The following PLD5 variants were observed in gnomAD, a reference collection of about 807,000 sequenced individuals.
PLD5 encodes the protein phospholipase D family member 5.
A neutral mutation model predicts 61.1 loss-of-function variants in PLD5; 36 were observed. That is an observed-to-expected ratio of 0.59 (90% CI 0.45 to 0.78). The LOEUF (loss-of-function observed/expected upper bound fraction) is 0.78. Ranked by LOEUF, PLD5 falls within the 30% of genes least tolerant of loss-of-function variation. The pLI, the probability that PLD5 is intolerant of heterozygous loss-of-function variation, is 0.00. For synonymous variants in PLD5, 243 were observed against 242.8 expected, an observed-to-expected ratio of 1.00 and a Z score of -0.01; for missense variants, 515 against 644.4, an observed-to-expected ratio of 0.80 and a Z score of 2.17.
chr1:242,364,666 A>C lies in PLD5; in HGVS notation c.190-16424T>G, dbSNP rs549630729. Among the ~76,000 whole-genome samples the C allele has an allele frequency of 3.9e-5, 6 of 152,308 alleles. No homozygotes were observed. The East Asian group carries it at 1.2e-3, about 29-fold the overall frequency. ...AGGAGGCGGAGGTTGCAGTGAGCCA[A>C]GATCTTGCCACTGCACTCCAGCCTG... On this transcript the variant is annotated intron_variant, in intron 1 of 9. Coordinates refer to ENST00000536534, the MANE Select transcript of PLD5 (RefSeq NM_001372062.1).
At chr1:242,255,290 A>G (rs528181709) in intron 4 of PLD5, among the ~76,000 whole-genome samples, 1 of 152,292 alleles carries the variant, frequency 6.6e-6, no homozygotes, top group South Asian at 2.1e-4. Flanking sequence ...TTATACTTAT[A>G]AGGCTTACAT....
intron 5 of PLD5, among the ~76,000 whole-genome samples, chr1:242,175,378 G>A (rs1667069177): frequency 6.6e-6 from 1 of 152,062 alleles, no homozygotes; most frequent in Non-Finnish European, 1.5e-5. Flanking sequence ...ATGCAGAAAA[G>A]GCCTTCAACA....
At chr1:242,359,936 G>A (rs1660975884) in intron 1 of PLD5, among the ~76,000 whole-genome samples, 1 of 152,104 alleles carries the variant, frequency 6.6e-6, no homozygotes, top group African/African-American at 2.4e-5. Context: ...CAAAAACTAA[G>A]TTATGTGTAA....
At chr1:242,475,443 A>G (rs1031872225) in intron 1 of PLD5, among the ~76,000 whole-genome samples, 2 of 143,606 alleles carry the variant, frequency 1.4e-5, no homozygotes, top group Non-Finnish European at 3.1e-5. Context: ...AAAAAAAAAG[A>G]AAACAATAAA....
At chr1:242,424,129 T>A (rs71652408) in intron 1 of PLD5, among the ~76,000 whole-genome samples, 2 of 152,182 alleles carry the variant, frequency 1.3e-5, no homozygotes, top group South Asian at 4.1e-4. Flanking sequence ...TAAGTGTTTG[T>A]AATCCCTTCT....
intron 2 of PLD5, among the ~76,000 whole-genome samples, chr1:242,330,959 CT>C (rs1380087672): frequency 6.6e-6 from 1 of 152,220 alleles, no homozygotes; most frequent in Non-Finnish European, 1.5e-5. Flanking sequence ...TTCTCCTCCC[CT>C]GGTCCAGTTT....
At chr1:242,417,248 A>G (rs186931911) in intron 1 of PLD5, among the ~76,000 whole-genome samples, 1 of 152,278 alleles carries the variant, frequency 6.6e-6, no homozygotes, top group African/African-American at 2.4e-5. Context: ...TCAGGGGGCA[A>G]GACTCAACTG....
chr1:242,363,790 G>A (rs1661198511), intron 1 of PLD5, among the ~76,000 whole-genome samples: 1 of 151,904 alleles, frequency 6.6e-6, no homozygotes, highest in African/African-American at 2.4e-5. Flanking sequence ...GATTTTAAAG[G>A]ATATAAAAAA....
rs558495390 is a variant in PLD5 at position 242,164,899 on chromosome 1, C to G, written c.736-40234G>C. On this transcript the variant is annotated intron_variant, in intron 5 of 9. Transcript: ENST00000536534. ...TTTCTTTTATGAGTTTCCTGCTGCT[C>G]TGCCTAAAATGCAAATTGTTCATAA... Among the ~76,000 whole-genome samples, 6 of 150,012 alleles carry G rather than the reference C, an allele frequency of 4.0e-5. No homozygotes were observed. The South Asian group carries it at 1.1e-3, about 27-fold the overall frequency.
At chr1:242,250,780 T>C (rs942373968) in intron 4 of PLD5, among the ~76,000 whole-genome samples, 2 of 152,144 alleles carry the variant, frequency 1.3e-5, no homozygotes, top group African/African-American at 4.8e-5. Context: ...GTGTGGAGAA[T>C]AGAACATAGT....
chr1:242,463,287 T>G (rs1381145315), intron 1 of PLD5, among the ~76,000 whole-genome samples: 1 of 152,152 alleles, frequency 6.6e-6, no homozygotes, highest in East Asian at 1.9e-4. Context: ...CCATGCTCTC[T>G]ATGCCCATCC....
chr1:242,189,139 T>C (rs1374585751), intron 5 of PLD5, among the ~76,000 whole-genome samples: 1 of 152,098 alleles, frequency 6.6e-6, no homozygotes, highest in Non-Finnish European at 1.5e-5. Flanking sequence ...GGACAGAGCA[T>C]GTGGCTTTAG....
chr1:242,344,843 A>G (rs569259812), intron 2 of PLD5, among the ~76,000 whole-genome samples: 1 of 152,084 alleles, frequency 6.6e-6, no homozygotes, highest in Non-Finnish European at 1.5e-5. Flanking sequence ...CATACCTGAA[A>G]CTGGGAACAA....
intron 9 of PLD5, among the ~76,000 whole-genome samples, chr1:242,097,593 G>C (rs1321852456): frequency 6.6e-6 from 1 of 152,194 alleles, no homozygotes; most frequent in South Asian, 2.1e-4. Flanking sequence ...TTGTTGATGG[G>C]GTTGTTTTTT....
At position 242,187,815 on chromosome 1, in the gene PLD5, C is replaced by T. The variant is rs188287019; in HGVS notation, c.735+32173G>A. ...GTAAAGAGAGGAGTATGTGCAAAGA[C>T]GTAAGAGATGAAATATGAATCTTGC... is the stretch of plus-strand genomic sequence containing the variant. On this transcript the variant is annotated intron_variant, in intron 5 of 9. Coordinates refer to ENST00000536534, the MANE Select transcript of PLD5 (RefSeq NM_001372062.1). Among the ~76,000 whole-genome samples, 426 of 152,160 alleles carry T rather than the reference C, an allele frequency of 2.8e-3. 2 individuals carry two copies. The highest frequency in any genetic ancestry group is 9.7e-3 in the African/African-American group (403 of 41,498).
chr1:242,438,439 C>CTTTTTT (rs1171422837), intron 1 of PLD5, among the ~76,000 whole-genome samples: 1 of 120,504 alleles, frequency 8.3e-6, no homozygotes, highest in Non-Finnish European at 1.8e-5. Flanking sequence ...AATTTTTTTT[C>CTTTTTT]TTTTTTTTTT....
At chr1:242,326,104 T>G (rs1226312099) in intron 2 of PLD5, among the ~76,000 whole-genome samples, 2 of 148,244 alleles carry the variant, frequency 1.3e-5, no homozygotes, top group Non-Finnish European at 3.0e-5. Flanking sequence ...CTTGAATTCC[T>G]GGCCTCAAAT....
intron 5 of PLD5, among the ~76,000 whole-genome samples, chr1:242,144,187 A>T (rs979680066): frequency 6.6e-5 from 8 of 120,500 alleles, no homozygotes; most frequent in African/African-American, 2.1e-4. Flanking sequence ...TATTTTTTTA[A>T]AAAATATTAT....
At chr1:242,138,553 A>C (rs753560144) in intron 5 of PLD5, among the ~76,000 whole-genome samples, 1 of 152,242 alleles carries the variant, frequency 6.6e-6, no homozygotes, top group Non-Finnish European at 1.5e-5. Context: ...CACTGACTAT[A>C]GTAATTGCAA....
Sources: allele counts gnomAD v4.1 joint callset (sites outside exome capture counted in the v4.1 genomes callset), GRCh38; gene constraint gnomAD v4.1.1; transcripts MANE v1.5; gene names NCBI Gene and HGNC (gene_info 2026-07-23, HGNC 2026-07-21).